KCNIP1: variants seen among roughly 807,000 people sequenced by gnomAD.
The protein encoded by KCNIP1 is potassium voltage-gated channel interacting protein 1.
Under a neutral mutation model 33.0 loss-of-function variants are expected in KCNIP1, and 18 were observed. The ratio of observed to expected loss-of-function variants is 0.55; its 90% CI spans 0.38 to 0.81. The LOEUF is 0.81. Among genes scored for constraint, KCNIP1 ranks in the 30% least tolerant of loss-of-function variants. The pLI, the probability that KCNIP1 is intolerant of heterozygous loss-of-function variation, is 0.00. For missense variants in KCNIP1, 238 were observed against 271.6 expected (o/e 0.88, Z 0.87); for synonymous variants, 93 against 98.3 (o/e 0.95, Z 0.32).
chr5:170,570,062 G>A (rs913201201), intron 1 of KCNIP1, among the ~76,000 whole-genome samples: 9 of 152,166 alleles, frequency 5.9e-5, no homozygotes, highest in African/African-American at 1.2e-4. Flanking sequence ...TTTCTGCTCC[G>A]ATGCTCTACG....
At chr5:170,368,818 A>T (rs1763770186) in intron 1 of KCNIP1, among the ~76,000 whole-genome samples, 1 of 152,170 alleles carries the variant, frequency 6.6e-6, no homozygotes, top group Non-Finnish European at 1.5e-5. Context: ...CCCACTCCCT[A>T]GTCCTGTGTC....
At chr5:170,597,883 T>G (rs1190815721) in intron 1 of KCNIP1, among the ~76,000 whole-genome samples, 1 of 146,900 alleles carries the variant, frequency 6.8e-6, no homozygotes, top group Non-Finnish European at 1.5e-5. Context: ...GAAGCTTTCA[T>G]GCCAAGTGGA....
chr5:170,377,427 G>A (rs549994793), intron 1 of KCNIP1: 28 of 152,310 alleles, frequency 1.8e-4, no homozygotes, highest in African/African-American at 6.7e-4. Context: ...GAATGGTAAA[G>A]GTGATGGCTT....
At chr5:170,408,646 G>A (rs370850793) in intron 1 of KCNIP1, among the ~76,000 whole-genome samples, 12 of 152,192 alleles carry the variant, frequency 7.9e-5, no homozygotes, top group African/African-American at 2.9e-4. Context: ...CATAGTTTGA[G>A]TGAAATGAAG....
At chr5:170,501,828 G>A (rs1581246983), upstream of KCNIP1, among the ~76,000 whole-genome samples, 2 of 152,180 alleles carry the variant, frequency 1.3e-5, no homozygotes, top group Admixed American at 6.5e-5. Context: ...ATCCCACTGG[G>A]TCCTCTAGTG....
chr5:170,521,065 G>A (rs1255389119), intron 1 of KCNIP1, among the ~76,000 whole-genome samples: 2 of 152,210 alleles, frequency 1.3e-5, no homozygotes, highest in Non-Finnish European at 2.9e-5. Flanking sequence ...TTGTTACAGT[G>A]TGAGCCCATG....
intron 1 of KCNIP1, among the ~76,000 whole-genome samples, chr5:170,600,222 C>T (rs1397625025): frequency 1.3e-5 from 2 of 149,208 alleles, no homozygotes; most frequent in African/African-American, 4.9e-5. Context: ...GTACTTAAGT[C>T]GACCAGCCCT....
intron 1 of KCNIP1, among the ~76,000 whole-genome samples, chr5:170,597,349 A>G (rs1309307279): frequency 6.6e-6 from 1 of 152,170 alleles, no homozygotes; most frequent in Non-Finnish European, 1.5e-5. Context: ...GCCTTGTTGC[A>G]GGCTGAGTCA....
intron 1 of KCNIP1, among the ~76,000 whole-genome samples, chr5:170,451,723 T>TTGTGTGTG (rs67542248): frequency 0.035 from 4,333 of 122,870 alleles, 156 homozygotes; most frequent in South Asian, 0.057. Flanking sequence ...TTCTCCTGCA[T>TTGTGTGTG]TGTGTGTGTG....
At chr5:170,661,970 C>CTG (rs1761516602) in intron 1 of KCNIP1, among the ~76,000 whole-genome samples, 5 of 152,180 alleles carry the variant, frequency 3.3e-5, no homozygotes, top group African/African-American at 1.2e-4. Context: ...CACTCCTTGT[C>CTG]TCCAGGCCTG....
At chr5:170,627,586 C>T (rs939111449) in intron 1 of KCNIP1, among the ~76,000 whole-genome samples, 27 of 152,246 alleles carry the variant, frequency 1.8e-4, no homozygotes, top group African/African-American at 5.5e-4. Context: ...CCCACAGATG[C>T]GGAGTGCCTG....
intron 1 of KCNIP1, among the ~76,000 whole-genome samples, chr5:170,681,814 G>C (rs1274020239): frequency 6.6e-6 from 1 of 152,178 alleles, no homozygotes; most frequent in African/African-American, 2.4e-5. Flanking sequence ...TTCCAACGTT[G>C]AAGGAGTTCA....
At chr5:170,592,150 A>G (rs1172526882) in intron 1 of KCNIP1, among the ~76,000 whole-genome samples, 1 of 152,126 alleles carries the variant, frequency 6.6e-6, no homozygotes, top group East Asian at 1.9e-4. Context: ...ATTAATAGTC[A>G]TCCTAATGGG....
At chr5:170,508,217 T>A (rs1754789332) in intron 1 of KCNIP1, among the ~76,000 whole-genome samples, 1 of 152,224 alleles carries the variant, frequency 6.6e-6, no homozygotes, top group Admixed American at 6.5e-5. Context: ...CAGAACTTTC[T>A]GAAAGGGCTG....
intron 1 of KCNIP1, among the ~76,000 whole-genome samples, chr5:170,393,087 G>A (rs1435689849): frequency 2.6e-5 from 4 of 152,258 alleles, no homozygotes; most frequent in African/African-American, 4.8e-5. Context: ...CGCCCCTAGC[G>A]TGTGATGTGA....
intron 1 of KCNIP1, among the ~76,000 whole-genome samples, chr5:170,445,178 C>A (rs954068606): frequency 6.6e-6 from 1 of 152,132 alleles, no homozygotes; most frequent in African/African-American, 2.4e-5. Context: ...CTGTGGGGCC[C>A]AGGGTTTTAT....
chr5:170,523,462 G>A (rs2113315669), intron 1 of KCNIP1, among the ~76,000 whole-genome samples: 1 of 152,296 alleles, frequency 6.6e-6, no homozygotes, highest in Non-Finnish European at 1.5e-5. Context: ...TGCAGCCAGT[G>A]GCTGATTCTC....
intron 1 of KCNIP1, among the ~76,000 whole-genome samples, chr5:170,683,142 T>C (rs1413497740): frequency 2.0e-5 from 3 of 152,206 alleles, no homozygotes; most frequent in Admixed American, 6.5e-5. Context: ...TTGAGAACTG[T>C]TTCTGGAAAC....
chr5:170,540,506 G>A (rs1360995969), intron 1 of KCNIP1, among the ~76,000 whole-genome samples: 1 of 152,206 alleles, frequency 6.6e-6, no homozygotes, highest in Non-Finnish European at 1.5e-5. Flanking sequence ...ACACTGGAGA[G>A]CATGGTGCTT....
Sources: allele counts gnomAD v4.1 joint callset (sites outside exome capture counted in the v4.1 genomes callset), GRCh38; gene constraint gnomAD v4.1.1; transcripts MANE v1.5; gene names NCBI Gene and HGNC (gene_info 2026-07-23, HGNC 2026-07-21).